CADPS: variants seen among roughly 807,000 people sequenced by gnomAD.
CADPS encodes the protein calcium dependent secretion activator, also known as calcium-dependent secretion activator 1.
Under a neutral mutation model 167.3 loss-of-function variants are expected in CADPS, and 57 were observed. The ratio of observed to expected loss-of-function variants is 0.34; its 90% CI spans 0.28 to 0.42. The LOEUF is 0.42. Ranked by LOEUF, CADPS falls within the 20% of genes least tolerant of loss-of-function variation. The pLI is 1.00. For synonymous variants in CADPS, 676 were observed against 635.3 expected (o/e 1.06, Z -0.96); for missense variants, 1,414 against 1,738.1 (o/e 0.81, Z 3.32).
intron 8 of CADPS, among the ~76,000 whole-genome samples, chr3:62,574,907 T>C (rs2081990855): frequency 6.6e-6 from 1 of 152,256 alleles, no homozygotes; most frequent in Admixed American, 6.5e-5. Context: ...TGTATCATTT[T>C]AGCAGCAAAC....
intron 26 of CADPS, among the ~76,000 whole-genome samples, chr3:62,448,400 C>A (rs2057533580): frequency 1.3e-5 from 2 of 152,096 alleles, no homozygotes. Flanking sequence ...GAAGATGAGG[C>A]AAGTTTCTGT....
At chr3:62,603,492 C>T (rs2060257862) in intron 6 of CADPS, among the ~76,000 whole-genome samples, 1 of 152,110 alleles carries the variant, frequency 6.6e-6, no homozygotes, top group South Asian at 2.1e-4. Flanking sequence ...TAATGTATAC[C>T]ACACTTTATG....
chr3:62,440,024 C>T (rs549754785), intron 27 of CADPS: 1 of 152,226 alleles, frequency 6.6e-6, no homozygotes, highest in Admixed American at 6.5e-5. Context: ...ATAGCACTTA[C>T]CAATAGCTGA....
Position 62,585,249 on chromosome 3 carries a change from C to G in CADPS, c.1513G>C (p.Asp505His). ...HKMTVSKNCPDQDLKIKLAVR... is the reference protein window; with the variant it reads ...HKMTVSKNCPHQDLKIKLAVR... ...GCAAGTTTGATTTTGAGATCTTGGT[C>G]GGGGCAGTTTTTGGAGACTGTCATT... Residue 505 changes from aspartate (D) to histidine (H), a missense_variant, in exon 8 of 30, where the codon GAC (aspartate) becomes CAC (histidine). This residue lies in a region of CADPS where 157 missense variants were observed against 229.4 expected (regional missense o/e 0.68). Coordinates refer to ENST00000383710, the MANE Select transcript of CADPS (RefSeq NM_003716.4). 6.2e-7 allele frequency: 1 copy of G among 1,613,796 alleles called. No homozygotes were observed. Among genetic ancestry groups the G allele is most frequent in the Non-Finnish European group, 8.5e-7 (1 of 1,179,814 alleles).
chr3:62,576,629 GA>G (rs11445858), intron 8 of CADPS, among the ~76,000 whole-genome samples: 38 of 141,720 alleles, frequency 2.7e-4, no homozygotes, highest in African/African-American at 9.5e-4. Context: ...CATTTCTACT[GA>G]AAAAAAAAAA....
At chr3:62,644,748 T>C (rs1440029829) in intron 6 of CADPS, among the ~76,000 whole-genome samples, 2 of 152,130 alleles carry the variant, frequency 1.3e-5, no homozygotes, top group Non-Finnish European at 2.9e-5. Context: ...CCCACTCCCA[T>C]TGCTCAACTT....
intron 11 of CADPS, among the ~76,000 whole-genome samples, chr3:62,543,010 A>G (rs982303451): frequency 2.3e-4 from 35 of 152,306 alleles, no homozygotes; most frequent in Middle Eastern, 3.4e-3. Context: ...TGGCATGAAA[A>G]TACTCAATTA....
At chr3:62,583,566 A>G (rs944825578) in intron 8 of CADPS, among the ~76,000 whole-genome samples, 4 of 152,132 alleles carry the variant, frequency 2.6e-5, no homozygotes, top group Non-Finnish European at 5.9e-5. Flanking sequence ...TTCACACCCC[A>G]GGCAGAAGAG....
chr3:62,714,709 T>C (rs2084071872), intron 3 of CADPS, among the ~76,000 whole-genome samples: 1 of 152,200 alleles, frequency 6.6e-6, no homozygotes, highest in African/African-American at 2.4e-5. Context: ...GTTAGACTCC[T>C]AAAGAAAAGA....
chr3:62,433,626 T>C lies in CADPS; in HGVS notation c.3777+4478A>G, dbSNP rs1389978453. Among the ~76,000 whole-genome samples the C allele has an allele frequency of 6.6e-6, 1 of 152,178 alleles. No homozygotes were observed. Among genetic ancestry groups the C allele is most frequent in the Non-Finnish European group, 1.5e-5 (1 of 68,032 alleles). On this transcript the variant is annotated intron_variant, in intron 28 of 29. Transcript: ENST00000383710. This position sits in a 1 kb window ranked among gnomAD's most constrained non-coding sequence, Gnocchi z 4.7. ...AAAGCCAGTGCGGATGCGGCATTAC[T>C]ACCAATGTGGATTCCATCCAAGTTC...
chr3:62,440,501 C>G (rs921840147), intron 27 of CADPS: 1 of 146,090 alleles, frequency 6.8e-6, no homozygotes, highest in Non-Finnish European at 1.5e-5. Flanking sequence ...TGATTCCCCC[C>G]CCCCCCCATA....
intron 6 of CADPS, among the ~76,000 whole-genome samples, chr3:62,605,563 T>C (rs1329707313): frequency 1.3e-5 from 2 of 152,204 alleles, no homozygotes; most frequent in East Asian, 1.9e-4. Context: ...GTCAGCGTTA[T>C]CTGGGCAGCA....
chr3:62,790,283 T>A (rs1177938735), intron 1 of CADPS, among the ~76,000 whole-genome samples: 2 of 152,098 alleles, frequency 1.3e-5, no homozygotes, highest in Non-Finnish European at 2.9e-5. Context: ...GGATTGTGGG[T>A]GATTTACATT....
At chr3:62,733,796 G>C (rs2078421027) in intron 3 of CADPS, among the ~76,000 whole-genome samples, 1 of 152,068 alleles carries the variant, frequency 6.6e-6, no homozygotes, top group Non-Finnish European at 1.5e-5. Context: ...TGTCACCCGA[G>C]CAGTATACGC....
Position 62,478,559 on chromosome 3 carries a change from G to A in CADPS, c.3174-143C>T, listed in dbSNP as rs367758383. On this transcript the variant is annotated intron_variant, in intron 22 of 29. Coordinates refer to ENST00000383710, the MANE Select transcript of CADPS (RefSeq NM_003716.4). This position sits in a 1 kb window ranked among gnomAD's most constrained non-coding sequence, Gnocchi z 5.7. The stretch of plus-strand genomic sequence containing the variant: ...GTGTGTTGGCGGTGGAGGCGGGGGC[G>A]AGTCTCCACCGGCAGATTTTGAGTT... 2.9e-5 allele frequency: 21 copies of A among 724,820 alleles called. 1 individual carries two copies. Among genetic ancestry groups the A allele is most frequent in the Middle Eastern group, 3.9e-4 (1 of 2,560 alleles). 44.9% of individuals were successfully genotyped at this position (724,820 alleles called of 1,614,324 possible).
At chr3:62,633,491 C>T (rs72874440) in intron 6 of CADPS, among the ~76,000 whole-genome samples, 245 of 152,248 alleles carry the variant, frequency 1.6e-3, no homozygotes, top group African/African-American at 5.5e-3. Flanking sequence ...CTTCTCTCTT[C>T]CCTCTCCCTG....
chr3:62,793,461 C>T (rs1424168754), intron 1 of CADPS, among the ~76,000 whole-genome samples: 1 of 152,166 alleles, frequency 6.6e-6, no homozygotes, highest in Non-Finnish European at 1.5e-5. Context: ...TGCAGCAGAT[C>T]ACTCCATTAA....
chr3:62,841,196 G>A (rs761089891), intron 1 of CADPS, among the ~76,000 whole-genome samples: 1 of 152,148 alleles, frequency 6.6e-6, no homozygotes, highest in Non-Finnish European at 1.5e-5. Context: ...AGCTAGAAAT[G>A]TTGAGAGAAA....
intron 28 of CADPS, among the ~76,000 whole-genome samples, chr3:62,414,927 C>T (rs1422655225): frequency 6.6e-6 from 1 of 152,010 alleles, no homozygotes; most frequent in Non-Finnish European, 1.5e-5. Flanking sequence ...CATGGGCCTT[C>T]CTCTGGGCCA....
Sources: gnomAD v4.1 joint callset for allele counts (sites outside exome capture counted in the v4.1 genomes callset) on GRCh38, gnomAD v4.1.1 for gene constraint, gnomAD v4.1.1 regional missense constraint, Gnocchi (gnomAD v3.1) non-coding constraint, MANE v1.5 for transcripts, NCBI Gene and HGNC (gene_info 2026-07-23, HGNC 2026-07-21) for gene names.